Variants in MCTP2 observed in about 807,000 individuals in gnomAD.
MCTP2 encodes the protein multiple C2 and transmembrane domain containing 2.
Under a neutral mutation model 111.6 loss-of-function variants are expected in MCTP2, and 132 were observed. The observed-to-expected ratio is 1.18, with a 90% CI of 1.03 to 1.37. MCTP2 has a LOEUF of 1.37. Among genes scored for constraint, MCTP2 ranks in the 40% most tolerant of loss-of-function variants. The pLI, the probability that MCTP2 is intolerant of heterozygous loss-of-function variation, is 0.00. For missense variants in MCTP2, 1,183 were observed against 1,067.9 expected (o/e 1.11, Z -1.50); for synonymous variants, 395 against 387.7 (o/e 1.02, Z -0.22).
chr15:94,392,187 C>T (rs747778358), intron 14 of MCTP2, among the ~76,000 whole-genome samples: 3 of 151,626 alleles, frequency 2.0e-5, no homozygotes, highest in Admixed American at 1.3e-4. Flanking sequence ...CTGGCTAACC[C>T]GGTGAAACCC....
Position 94,399,933 on chromosome 15 carries a change from A to C in MCTP2, c.1903A>C (p.Ile635Leu), listed in dbSNP as rs753237197. ...DLIYNPVKAS[I>L]RTFTPREKRF... ...ATGTCTTTTCTAGGTGAAAGCAAGT[A>C]TTAGGACTTTTACTCCCCGGGAAAA... Residue 635 changes from isoleucine to leucine, a missense_variant, in exon 16 of 23, where the codon ATT becomes CTT. Coordinates refer to ENST00000357742, the MANE Select transcript of MCTP2 (RefSeq NM_001385001.1). 1 of 1,613,776 alleles carries C rather than the reference A, an allele frequency of 6.2e-7. No individual in the cohort carries two copies. Among genetic ancestry groups the C allele is most frequent in the South Asian group, 1.1e-5 (1 of 91,068 alleles).
At chr15:94,346,038 G>T (rs1245128409) in intron 8 of MCTP2, among the ~76,000 whole-genome samples, 1 of 151,994 alleles carries the variant, frequency 6.6e-6, no homozygotes, top group African/African-American at 2.4e-5. Context: ...TAATGTCACT[G>T]TACCTCAGTT....
chr15:94,334,571 T>C (rs541554353), intron 4 of MCTP2, among the ~76,000 whole-genome samples: 1 of 152,370 alleles, frequency 6.6e-6, no homozygotes, highest in Admixed American at 6.5e-5. Context: ...GGTCTTGCCC[T>C]GTTAGCCAGG....
intron 14 of MCTP2, among the ~76,000 whole-genome samples, chr15:94,395,622 G>A (rs2081243015): frequency 6.6e-6 from 1 of 152,072 alleles, no homozygotes. Flanking sequence ...TTAATATAAT[G>A]AGTGTACCAT....
chr15:94,348,923 A>G (rs908214629), intron 8 of MCTP2, among the ~76,000 whole-genome samples: 5 of 152,078 alleles, frequency 3.3e-5, no homozygotes, highest in Non-Finnish European at 7.4e-5. Flanking sequence ...GGAGAACTGA[A>G]TACTCAAAAC....
intron 17 of MCTP2, among the ~76,000 whole-genome samples, chr15:94,439,948 A>G (rs146272995): frequency 1.2e-3 from 184 of 152,280 alleles, no homozygotes; most frequent in African/African-American, 4.2e-3. Flanking sequence ...CTTTTCAGGT[A>G]TGAAGCCACT....
intron 2 of MCTP2, among the ~76,000 whole-genome samples, chr15:94,306,012 C>G (rs962150623): frequency 9.2e-5 from 14 of 152,190 alleles, no homozygotes; most frequent in African/African-American, 3.4e-4. Flanking sequence ...TATTCTGGTT[C>G]TTGCCGTAGG....
chr15:94,296,324 C>CA (rs1291833089), intron 1 of MCTP2, among the ~76,000 whole-genome samples: 2 of 152,156 alleles, frequency 1.3e-5, no homozygotes, highest in East Asian at 3.9e-4. Flanking sequence ...TTAAAAGCTG[C>CA]AAAAAAAGTT....
chr15:94,444,781 T>A (rs2084022559), intron 19 of MCTP2, among the ~76,000 whole-genome samples: 1 of 152,150 alleles, frequency 6.6e-6, no homozygotes, highest in Non-Finnish European at 1.5e-5. Context: ...TTAGGCAAAA[T>A]TCTAAATATT....
intron 1 of MCTP2, among the ~76,000 whole-genome samples, chr15:94,258,677 T>G (rs2073000785): frequency 6.6e-6 from 1 of 152,238 alleles, no homozygotes; most frequent in South Asian, 2.1e-4. Context: ...AAATCTTGTC[T>G]ATTTCATCTT....
intron 20 of MCTP2, among the ~76,000 whole-genome samples, chr15:94,466,754 T>C (rs184635739): frequency 1.4e-4 from 21 of 152,288 alleles, no homozygotes; most frequent in African/African-American, 4.6e-4. Context: ...CCAAGAGTTC[T>C]TGCAGTTTAT....
chr15:94,396,409 TATAA>T (rs1243820512), intron 14 of MCTP2, among the ~76,000 whole-genome samples: 1 of 152,154 alleles, frequency 6.6e-6, no homozygotes, highest in Non-Finnish European at 1.5e-5. Context: ...GACTTTTAAA[TATAA>T]ATAATAAATT....
At chr15:94,435,253 C>T (rs1027285380) in intron 17 of MCTP2, among the ~76,000 whole-genome samples, 2 of 152,096 alleles carry the variant, frequency 1.3e-5, no homozygotes, top group African/African-American at 4.8e-5. Context: ...TGAATAACTG[C>T]CACCTTAACA....
At chr15:94,252,626 T>G (rs1364948982) in intron 1 of MCTP2, among the ~76,000 whole-genome samples, 1 of 150,738 alleles carries the variant, frequency 6.6e-6, no homozygotes, top group African/African-American at 2.5e-5. Context: ...TGCCTCTGGT[T>G]TACAGATTTT....
chr15:94,443,427 A>AAC (rs1202854656), intron 19 of MCTP2, among the ~76,000 whole-genome samples: 1 of 152,120 alleles, frequency 6.6e-6, no homozygotes, highest in Non-Finnish European at 1.5e-5. Context: ...TCCTGGGAGA[A>AAC]TCTCTCAAAT....
At chr15:94,350,803 T>C (rs1281305612) in intron 8 of MCTP2, among the ~76,000 whole-genome samples, 2 of 152,194 alleles carry the variant, frequency 1.3e-5, no homozygotes, top group Non-Finnish European at 2.9e-5. Context: ...ACATATAACT[T>C]GAGCTTCCTA....
At chr15:94,420,416 G>T (rs1025882422) in intron 17 of MCTP2, among the ~76,000 whole-genome samples, 2 of 152,132 alleles carry the variant, frequency 1.3e-5, no homozygotes, top group Admixed American at 6.6e-5. Flanking sequence ...GTCATTGATT[G>T]TGAATTTTTC....
Position 94,415,252 on chromosome 15 carries a change from A to T in MCTP2, c.2085+13233A>T, listed in dbSNP as rs79764671. Among the ~76,000 whole-genome samples the T allele has an allele frequency of 2.5e-3, 385 of 152,238 alleles. 12 individuals are homozygous for T. The East Asian group carries it at 0.057, about 23-fold the overall frequency. On this transcript the variant is annotated intron_variant, in intron 17 of 22. Coordinates refer to ENST00000357742, the MANE Select transcript of MCTP2 (RefSeq NM_001385001.1). ...GTCAGGAAAGGTGACGCTCCTTGTC[A>T]ATTTTTGTCTTCTGCCTGCAGTTGA...
At position 94,482,011 on chromosome 15, in the gene MCTP2, T is replaced by C. The variant is rs1303510110; in HGVS notation, c.*2977T>C. The C allele has an allele frequency of 6.6e-6, 1 of 152,236 alleles. No individual in the cohort carries two copies. Among genetic ancestry groups the C allele is most frequent in the African/African-American group, 2.4e-5 (1 of 41,456 alleles). 9.4% of individuals were successfully genotyped at this position (152,236 alleles called of 1,614,324 possible). ...TTAAATTATGTCTTATATTTGAAGT[T>C]CTTACCTACATATCAGAGGAAAATA... On this transcript the variant is annotated 3_prime_UTR_variant, in exon 23 of 23. Coordinates refer to ENST00000357742, the MANE Select transcript of MCTP2 (RefSeq NM_001385001.1).
Sources: allele counts gnomAD v4.1 joint callset (sites outside exome capture counted in the v4.1 genomes callset), GRCh38; gene constraint gnomAD v4.1.1; transcripts MANE v1.5; gene names NCBI Gene and HGNC (gene_info 2026-07-23, HGNC 2026-07-21).